PPFIA2: variants seen among roughly 807,000 people sequenced by gnomAD.
PPFIA2 encodes liprin-alpha-2.
Under a neutral mutation model 175.5 loss-of-function variants are expected in PPFIA2, and 46 were observed. The observed-to-expected ratio is 0.26, with a 90% CI of 0.21 to 0.34. The LOEUF is 0.34. Ranked by LOEUF, PPFIA2 falls within the 10% of genes least tolerant of loss-of-function variation. PPFIA2 has a pLI of 1.00. For missense variants in PPFIA2, 1,179 were observed against 1,506.1 expected (o/e 0.78, Z 3.60); for synonymous variants, 568 against 511.4 (o/e 1.11, Z -1.49).
chr12:81,322,584 C>T (rs1191333423), intron 22 of PPFIA2, among the ~76,000 whole-genome samples: 1 of 152,066 alleles, frequency 6.6e-6, no homozygotes, highest in Non-Finnish European at 1.5e-5. Context: ...TTTAGTTTGA[C>T]ACAATTATTA....
intron 3 of PPFIA2, among the ~76,000 whole-genome samples, chr12:81,738,769 C>T (rs986321096): frequency 6.6e-6 from 1 of 150,974 alleles, no homozygotes; most frequent in Non-Finnish European, 1.5e-5. Flanking sequence ...TATAAAGATA[C>T]CAAATAATTT....
intron 23 of PPFIA2, among the ~76,000 whole-genome samples, chr12:81,297,199 G>T (rs2046675614): frequency 6.6e-6 from 1 of 152,118 alleles, no homozygotes; most frequent in Admixed American, 6.6e-5. Flanking sequence ...GATGACTGCT[G>T]CCCTGGCTGA....
intron 4 of PPFIA2, among the ~76,000 whole-genome samples, chr12:81,504,576 G>C (rs532535111): frequency 2.2e-4 from 33 of 152,266 alleles, no homozygotes; most frequent in African/African-American, 7.7e-4. Flanking sequence ...CATTGTGGAA[G>C]ACAGTGTGGT....
chr12:81,629,994 AAG>A (rs747998014), intron 4 of PPFIA2, among the ~76,000 whole-genome samples: 3 of 152,168 alleles, frequency 2.0e-5, no homozygotes, highest in Non-Finnish European at 4.4e-5. Context: ...AGTTTCTTAT[AAG>A]AGAGAGGCAG....
At position 81,525,806 on chromosome 12, in the gene PPFIA2, T is replaced by C. The variant is rs1202429727; in HGVS notation, c.304-67940A>G. On this transcript the variant is annotated intron_variant, in intron 4 of 32. Coordinates refer to ENST00000549396, the MANE Select transcript of PPFIA2 (RefSeq NM_003625.5). The stretch of plus-strand genomic sequence containing the variant: ...TGAAAAACTGTTGCTCATCAGTGAC[T>C]TTCTTCCCAGTGAGATTCCAAATTC... 3.9e-5 allele frequency among the ~76,000 whole-genome samples: 6 copies of C among 152,216 alleles called. No individual in the cohort carries two copies. The South Asian group carries it at 1.0e-3, about 26-fold the overall frequency.
At chr12:81,283,305 CT>C (rs1425851795) in intron 25 of PPFIA2, among the ~76,000 whole-genome samples, 1 of 151,722 alleles carries the variant, frequency 6.6e-6, no homozygotes, top group Non-Finnish European at 1.5e-5. Flanking sequence ...CATTACAAAC[CT>C]TTTTTTAATT....
chr12:81,568,664 T>G (rs1193832292), intron 4 of PPFIA2, among the ~76,000 whole-genome samples: 2 of 152,176 alleles, frequency 1.3e-5, no homozygotes, highest in Non-Finnish European at 2.9e-5. Flanking sequence ...TTGTCTCATA[T>G]ACAGAACAAG....
intron 9 of PPFIA2, among the ~76,000 whole-genome samples, chr12:81,382,766 G>A (rs1362707672): frequency 1.3e-5 from 2 of 152,052 alleles, no homozygotes; most frequent in Non-Finnish European, 2.9e-5. Flanking sequence ...ATATCCCTTA[G>A]TGACTGAGAG....
chr12:81,737,555 A>C (rs911583901), intron 3 of PPFIA2, among the ~76,000 whole-genome samples: 15 of 152,038 alleles, frequency 9.9e-5, no homozygotes, highest in Admixed American at 9.9e-4. Flanking sequence ...TGTACATGAT[A>C]TAACTTGACA....
intron 3 of PPFIA2, among the ~76,000 whole-genome samples, chr12:81,750,747 T>C (rs2083651342): frequency 6.6e-6 from 1 of 152,152 alleles, no homozygotes; most frequent in Admixed American, 6.5e-5. Flanking sequence ...CATACTTTTA[T>C]AAAGAAATAA....
chr12:81,534,622 C>A (rs1328754473), intron 4 of PPFIA2, among the ~76,000 whole-genome samples: 7 of 151,516 alleles, frequency 4.6e-5, no homozygotes, highest in Non-Finnish European at 5.9e-5. Context: ...TCAAATTTAA[C>A]TCAAAAATTC....
intron 24 of PPFIA2, among the ~76,000 whole-genome samples, chr12:81,289,740 C>CA (rs1372304794): frequency 6.6e-6 from 1 of 151,824 alleles, no homozygotes; most frequent in East Asian, 1.9e-4. Context: ...GAAACATACA[C>CA]AAAAATAGTT....
intron 4 of PPFIA2, among the ~76,000 whole-genome samples, chr12:81,646,053 A>T (rs1173855461): frequency 6.6e-6 from 1 of 152,152 alleles, no homozygotes; most frequent in Admixed American, 6.5e-5. Context: ...CTGCACTGGC[A>T]AAGAGACAGG....
intron 4 of PPFIA2, among the ~76,000 whole-genome samples, chr12:81,603,273 T>C (rs2059971949): frequency 6.6e-6 from 1 of 151,848 alleles, no homozygotes. Flanking sequence ...CTCCATTCTC[T>C]GCAATGTCTT....
At chr12:81,568,422 G>A (rs1449290674) in intron 4 of PPFIA2, among the ~76,000 whole-genome samples, 4 of 152,142 alleles carry the variant, frequency 2.6e-5, no homozygotes, top group African/African-American at 9.7e-5. Context: ...TTGAAGCCTG[G>A]TCGCCATTGC....
intron 3 of PPFIA2, among the ~76,000 whole-genome samples, chr12:81,686,897 G>A (rs2074492315): frequency 6.6e-6 from 1 of 151,954 alleles, no homozygotes; most frequent in African/African-American, 2.4e-5. Context: ...CCAAAACAGT[G>A]TCTTTGTTGA....
chr12:81,754,585 A>G (rs1032055550), intron 2 of PPFIA2, among the ~76,000 whole-genome samples: 1 of 152,142 alleles, frequency 6.6e-6, no homozygotes, highest in African/African-American at 2.4e-5. Flanking sequence ...AAGTTTACAA[A>G]TCTCTTACAG....
In PPFIA2 at chr12:81,526,577, A is replaced by G. The variant is rs1265357302; in HGVS notation, c.304-68711T>C. Reference sequence around the variant, plus strand: ...AAAACTATATTATCAAAGAATCACTAGGATTGGTATAAAGCAAACATTTGG... The same window carrying G: ...AAAACTATATTATCAAAGAATCACTGGGATTGGTATAAAGCAAACATTTGG... On this transcript the variant is annotated intron_variant, in intron 4 of 32. Transcript: ENST00000549396. Among the ~76,000 whole-genome samples the G allele has an allele frequency of 2.6e-5, 4 of 152,216 alleles. No individual in the cohort carries two copies. The East Asian group carries it at 7.7e-4, about 29-fold the overall frequency.
chr12:81,721,356 C>T (rs1330813395), intron 3 of PPFIA2, among the ~76,000 whole-genome samples: 1 of 151,202 alleles, frequency 6.6e-6, no homozygotes, highest in African/African-American at 2.4e-5. Context: ...TTATAAACTC[C>T]AATTGGGAAG....
Sources: allele counts gnomAD v4.1 joint callset (sites outside exome capture counted in the v4.1 genomes callset), GRCh38; gene constraint gnomAD v4.1.1; transcripts MANE v1.5; gene names NCBI Gene and HGNC (gene_info 2026-07-23, HGNC 2026-07-21).